Variants in VPS13B observed in about 807,000 individuals in gnomAD.
The protein encoded by VPS13B is vacuolar protein sorting 13 homolog B, also known as intermembrane lipid transfer protein VPS13B.
In VPS13B, 285 loss-of-function variants were observed where a neutral mutation model predicts 426.4. That is an observed-to-expected ratio of 0.67 (90% CI 0.61 to 0.74). The LOEUF (loss-of-function observed/expected upper bound fraction) is 0.74, where lower values mean the gene tolerates loss of function less well. Among genes scored for constraint, VPS13B ranks in the 30% least tolerant of loss-of-function variants. The pLI is 0.00. For synonymous variants in VPS13B, 1,676 were observed against 1,676.4 expected, an observed-to-expected ratio of 1.00 and a Z score of 0.01; for missense variants, 4,537 against 4,782.6, an observed-to-expected ratio of 0.95 and a Z score of 1.51.
At chr8:99,617,233 A>G (rs563440310) in intron 33 of VPS13B, among the ~76,000 whole-genome samples, 1 of 152,208 alleles carries the variant, frequency 6.6e-6, no homozygotes, top group Non-Finnish European at 1.5e-5. Flanking sequence ...AAGCCTAAAA[A>G]TGAAGGTTGA....
intron 16 of VPS13B, among the ~76,000 whole-genome samples, chr8:99,192,608 A>T (rs1352968849): frequency 6.6e-6 from 1 of 152,186 alleles, no homozygotes; most frequent in Admixed American, 6.5e-5. Context: ...GATTGCCTTG[A>T]TTATGTAGTA....
intron 3 of VPS13B, among the ~76,000 whole-genome samples, chr8:99,052,722 C>T (rs1463365203): frequency 3.3e-5 from 5 of 152,034 alleles, no homozygotes; most frequent in Non-Finnish European, 5.9e-5. Context: ...TGTTATTGGT[C>T]TATTCAGAGA....
At chr8:99,448,121 TTTTATTTA>T (rs149574664) in intron 23 of VPS13B, among the ~76,000 whole-genome samples, 2,804 of 141,850 alleles carry the variant, frequency 0.02, 96 homozygotes, top group African/African-American at 0.066. Context: ...GTGGTTTTAT[TTTTATTTA>T]TTTATTTATT....
chr8:99,108,824 G>C (rs1213389042), intron 5 of VPS13B, among the ~76,000 whole-genome samples: 2 of 152,004 alleles, frequency 1.3e-5, no homozygotes, highest in Non-Finnish European at 2.9e-5. Context: ...AAATGTCATT[G>C]GTATTTTGAT....
intron 24 of VPS13B, among the ~76,000 whole-genome samples, chr8:99,479,299 G>GA (rs1207471529): frequency 1.3e-5 from 2 of 151,898 alleles, no homozygotes; most frequent in African/African-American, 4.8e-5. Flanking sequence ...TAGATTAAAT[G>GA]AAAAAAGTGT....
intron 44 of VPS13B, among the ~76,000 whole-genome samples, chr8:99,814,854 C>T (rs1813930303): frequency 6.6e-6 from 1 of 152,114 alleles, no homozygotes; most frequent in South Asian, 2.1e-4. Flanking sequence ...GCAGCCCTTA[C>T]TTTCTTTTTT....
intron 19 of VPS13B, among the ~76,000 whole-genome samples, chr8:99,374,726 T>C (rs78125234): frequency 1.8e-3 from 281 of 152,344 alleles, no homozygotes; most frequent in African/African-American, 6.4e-3. Flanking sequence ...TTTTATTCCA[T>C]ACTTGAGCTG....
intron 15 of VPS13B, among the ~76,000 whole-genome samples, chr8:99,168,845 G>T (rs1812167469): frequency 6.6e-6 from 1 of 151,894 alleles, no homozygotes; most frequent in South Asian, 2.1e-4. Flanking sequence ...TAGGTTCTTT[G>T]AAATGCAGTT....
chr8:99,372,271 A>G (rs1813234605), intron 19 of VPS13B, among the ~76,000 whole-genome samples: 1 of 151,940 alleles, frequency 6.6e-6, no homozygotes, highest in Admixed American at 6.6e-5. Flanking sequence ...AAAAACAAAA[A>G]ACACCAAAAG....
intron 23 of VPS13B, among the ~76,000 whole-genome samples, chr8:99,452,854 G>A (rs1018154165): frequency 2.6e-5 from 4 of 152,154 alleles, no homozygotes; most frequent in Admixed American, 6.6e-5. Context: ...TCCAATCTGT[G>A]TAGGGTGTTT....
At chr8:99,544,722 A>G (rs867071168) in intron 30 of VPS13B, among the ~76,000 whole-genome samples, 66 of 148,334 alleles carry the variant, frequency 4.4e-4, no homozygotes, top group African/African-American at 1.6e-3. Flanking sequence ...AACCTTTACA[A>G]GCATCCTTAT....
chr8:99,377,847 A>C (rs1813572052), intron 19 of VPS13B, among the ~76,000 whole-genome samples: 1 of 152,218 alleles, frequency 6.6e-6, no homozygotes, highest in Non-Finnish European at 1.5e-5. Flanking sequence ...CACAGAGATC[A>C]CATGGTTCAA....
intron 59 of VPS13B, among the ~76,000 whole-genome samples, chr8:99,869,384 AAAAC>A (rs753271779): frequency 1.1e-4 from 17 of 152,280 alleles, no homozygotes; most frequent in East Asian, 7.7e-4. Flanking sequence ...TCGGGGCATA[AAAAC>A]AAACAGCGTC....
At chr8:99,715,281 C>T (rs545509301) in intron 36 of VPS13B, among the ~76,000 whole-genome samples, 68 of 152,246 alleles carry the variant, frequency 4.5e-4, no homozygotes, top group African/African-American at 1.6e-3. Flanking sequence ...CGATTCAGTT[C>T]AATGGAACAT....
In VPS13B at chr8:99,179,118, TA is replaced by T. The variant is rs1373482628; in HGVS notation, c.2333+8964del. Among the ~76,000 whole-genome samples the T allele has an allele frequency of 4.0e-5, 6 of 151,866 alleles. No homozygotes were observed. The East Asian group carries it at 5.8e-4, about 15-fold the overall frequency. ...ACTGACTAATGAGTCATTTATTCATTAAAAAAAAATTTTGGTGCCTATCATG... is the reference window on the plus strand; with the variant it reads ...ACTGACTAATGAGTCATTTATTCATTAAAAAAAATTTTGGTGCCTATCATG... On this transcript the variant is annotated intron_variant, in intron 16 of 61. Coordinates refer to ENST00000357162, the MANE Select transcript of VPS13B (RefSeq NM_152564.5).
At chr8:99,098,914 AT>A (rs1223491791) in intron 4 of VPS13B, among the ~76,000 whole-genome samples, 2 of 152,010 alleles carry the variant, frequency 1.3e-5, no homozygotes, top group East Asian at 3.8e-4. Context: ...AGTATTCAGT[AT>A]TTTTTAGTCG....
chr8:99,497,574 G>T (rs1353106563), intron 25 of VPS13B, among the ~76,000 whole-genome samples: 7 of 151,754 alleles, frequency 4.6e-5, no homozygotes, highest in African/African-American at 1.2e-4. Context: ...GCATGAAGTG[G>T]TTCCTTTTTT....
At chr8:99,202,885 T>G (rs912900048) in intron 17 of VPS13B, among the ~76,000 whole-genome samples, 6 of 151,332 alleles carry the variant, frequency 4.0e-5, no homozygotes, top group African/African-American at 1.5e-4. Flanking sequence ...ATACAAAAAA[T>G]TAACTGGGCG....
chr8:99,473,562 C>T (rs979846853), intron 24 of VPS13B, among the ~76,000 whole-genome samples: 2 of 152,022 alleles, frequency 1.3e-5, no homozygotes, highest in East Asian at 3.9e-4. Flanking sequence ...AAATATCATA[C>T]GTAATGGTAA....
Sources: allele counts gnomAD v4.1 joint callset (sites outside exome capture counted in the v4.1 genomes callset), GRCh38; gene constraint gnomAD v4.1.1; transcripts MANE v1.5; gene names NCBI Gene and HGNC (gene_info 2026-07-23, HGNC 2026-07-21).